The following TICRR variants were observed in gnomAD, a reference collection of about 807,000 sequenced individuals.
The protein encoded by TICRR is TOPBP1 interacting checkpoint and replication regulator, also known as treslin.
Under a neutral mutation model 178.1 loss-of-function variants are expected in TICRR, and 132 were observed. That is an observed-to-expected ratio of 0.74 (90% CI 0.64 to 0.86). TICRR has a LOEUF of 0.86. TICRR is among the 40% of genes least tolerant of loss of function. TICRR has a pLI of 0.00. For synonymous variants in TICRR, 991 were observed against 900.7 expected, an observed-to-expected ratio of 1.10 and a Z score of -1.79; for missense variants, 2,587 against 2,334.3, an observed-to-expected ratio of 1.11 and a Z score of -2.23.
At chr15:89,618,504 G>A (rs1963372594) in intron 17 of TICRR, among the ~76,000 whole-genome samples, 1 of 152,200 alleles carries the variant, frequency 6.6e-6, no homozygotes, top group Non-Finnish European at 1.5e-5. Context: ...AACTTTGTTG[G>A]AGCTTTTCAC....
At position 89,599,489 on chromosome 15, in the gene TICRR, G is replaced by T. The variant is rs767674056; in HGVS notation, c.2052+14G>T. 6.2e-6 allele frequency: 10 copies of T among 1,606,560 alleles called. No individual in the cohort carries two copies. Among genetic ancestry groups the T allele is most frequent in the Non-Finnish European group, 8.5e-6 (10 of 1,177,598 alleles). The stretch of plus-strand genomic sequence containing the variant: ...AAGGAATTAGAAGTAAGAGGGTCCA[G>T]ATATTGTTGTTTGTCATGGATGTAG... On this transcript the variant is annotated intron_variant, in intron 8 of 21. Transcript: ENST00000268138.
At chr15:89,587,381 G>A (rs901943837) in intron 4 of TICRR, among the ~76,000 whole-genome samples, 1 of 152,054 alleles carries the variant, frequency 6.6e-6, no homozygotes, top group African/African-American at 2.4e-5. Context: ...AGAGATGATG[G>A]GAGTCATCAG....
In TICRR at chr15:89,624,846, C is replaced by T; in HGVS notation, c.4536C>T (p.Ser1512=). The part of the protein sequence containing the change: ...SHPGIPPSPP[S]CGPGSPLMPS... The stretch of plus-strand genomic sequence containing the variant: ...CTGGGATTCCCCCATCTCCTCCTTC[C>T]TGTGGGCCTGGCTCTCCTCTGATGC... The change falls in exon 20 of 22, where the codon TCC becomes TCT. Residue 1512 remains serine (S), a synonymous_variant. Transcript: ENST00000268138. The T allele has an allele frequency of 6.2e-7, 1 of 1,614,184 alleles. No homozygotes were observed. The highest frequency in any genetic ancestry group is 8.5e-7 in the Non-Finnish European group (1 of 1,180,024).
rs1334455968 is a variant in TICRR at position 89,624,654 on chromosome 15, T to C, written c.4344T>C (p.Asp1448=). ...ACCCAGGCCCTGGTCTCAGGAGTGA[T>C]TGGCATGCATCCTCTCCTCTGCTCA... ...RGYPGPGLRS[D]WHASSPLLIT... The change falls in exon 20 of 22, where the codon GAT becomes GAC. Residue 1448 remains aspartate (D), a synonymous_variant. Coordinates refer to ENST00000268138, the MANE Select transcript of TICRR (RefSeq NM_152259.4). The C allele has an allele frequency of 1.6e-5, 26 of 1,613,930 alleles. No homozygotes were observed. Among genetic ancestry groups the C allele is most frequent in the African/African-American group, 5.3e-5 (4 of 74,912 alleles).
intron 13 of TICRR, among the ~76,000 whole-genome samples, chr15:89,605,845 A>G (rs1277337251): frequency 6.6e-6 from 1 of 151,848 alleles, no homozygotes; most frequent in Admixed American, 6.6e-5. Context: ...AAAAACAAAA[A>G]ATCTTTAAAA....
At position 89,601,875 on chromosome 15, in the gene TICRR, T is replaced by C; in HGVS notation, c.2466T>C (p.Leu822=). 6.2e-7 allele frequency: 1 copy of C among 1,614,152 alleles called. No homozygotes were observed. The highest frequency in any genetic ancestry group is 8.5e-7 in the Non-Finnish European group (1 of 1,180,022). ...TGACACAAGAGAACAAATCACCACT[T>C]CTTTCTGTGCCTTTTTTGTCAAGTG... The part of the protein sequence containing the change: ...DSMTQENKSP[L]LSVPFLSSAR... The change falls in exon 12 of 22, where the codon CTT becomes CTC. Residue 822 remains leucine (L), a synonymous_variant. Transcript: ENST00000268138.
In TICRR at chr15:89,621,412, A is replaced by T. The variant is rs763791089; in HGVS notation, c.3174A>T (p.Pro1058=). 1.3e-5 allele frequency: 21 copies of T among 1,595,428 alleles called. No homozygotes were observed. Among genetic ancestry groups the T allele is most frequent in the Non-Finnish European group, 1.6e-5 (19 of 1,175,470 alleles). Residue 1058 remains proline, a synonymous_variant, in exon 19 of 22, where the codon CCA becomes CCT. Transcript: ENST00000268138. ...QDKSDQRENS[P]VQSIRSPKSL... is the part of the protein sequence containing the mutation. ...TTGCAGACCAAAGAGAAAATTCTCC[A>T]GTCCAAAGTATTCGGTCTCCCAAGA...
Position 89,575,641 on chromosome 15 carries a change from C to A in TICRR, c.55C>A (p.Arg19Ser), listed in dbSNP as rs775093920. 6.4e-7 allele frequency: 1 copy of A among 1,559,218 alleles called. No individual in the cohort carries two copies. The highest frequency in any genetic ancestry group is 1.7e-4 in the Middle Eastern group (1 of 5,922). Residue 19 changes from arginine (R) to serine (S), a missense_variant, in exon 1 of 22, where the codon CGC (arginine) becomes AGC (serine). Coordinates refer to ENST00000268138, the MANE Select transcript of TICRR (RefSeq NM_152259.4). Reference protein sequence around the residue: ...LLLDTAGGAARHSRVRRAALR... With the variant: ...LLLDTAGGAASHSRVRRAALR... ...GCTGGACACCGCGGGCGGCGCCGCC[C>A]GCCACAGCCGGGTCCGGCGGGCCGC...
In TICRR at chr15:89,575,545, C is replaced by T. The variant is rs1386102363; in HGVS notation, c.-42C>T. 3 of 1,442,490 alleles carry T rather than the reference C, an allele frequency of 2.1e-6. No homozygotes were observed. The highest frequency in any genetic ancestry group is 1.8e-6 in the Non-Finnish European group (2 of 1,105,152). 89.4% of individuals were successfully genotyped at this position (1,442,490 alleles called of 1,614,324 possible). A position where few individuals can be genotyped will look rare whatever the true frequency, so the allele number is the denominator to read the frequency against. On this transcript the variant is annotated 5_prime_UTR_variant, in exon 1 of 22. Transcript: ENST00000268138. ...GAAGGAAGGGACTAAGGGACGGTGG[C>T]GCGGGCCCGGACCGGGGCCCCGGGG...
rs1337448459 is a variant in TICRR at position 89,599,312 on chromosome 15, T to C, written c.1901-12T>C. 3 of 1,591,172 alleles carry C rather than the reference T, an allele frequency of 1.9e-6. No individual in the cohort carries two copies. The highest frequency in any genetic ancestry group is 2.6e-6 in the Non-Finnish European group (3 of 1,170,312). ...GATATGATTAATCCATTTTATTTTA[T>C]TTTTTTCTCAGATTTTAAAACTGAG... is the stretch of plus-strand genomic sequence containing the variant. On this transcript the variant is annotated splice_polypyrimidine_tract_variant and intron_variant, in intron 7 of 21. Transcript: ENST00000268138.
chr15:89,614,086 A>G (rs934122752), intron 15 of TICRR, among the ~76,000 whole-genome samples: 1 of 151,976 alleles, frequency 6.6e-6, no homozygotes, highest in African/African-American at 2.4e-5. Flanking sequence ...CCCAGGAGGC[A>G]GAGGTTGCAG....
At chr15:89,609,453 T>C (rs1189333169) in intron 15 of TICRR, among the ~76,000 whole-genome samples, 1 of 151,978 alleles carries the variant, frequency 6.6e-6, no homozygotes, top group Non-Finnish European at 1.5e-5. Context: ...TTTGGTTTAT[T>C]GTTTTTTCTC....
At chr15:89,576,301 T>C in intron 1 of TICRR, 61 bp downstream of exon 1, 1 of 1,449,202 alleles carries the variant, frequency 6.9e-7, no homozygotes, top group Non-Finnish European at 9.1e-7. Flanking sequence ...TAACCAGAAC[T>C]TGGCAGCGTC....
rs753104156 is a variant in TICRR, at chr15:89,623,692, C to T, written c.3382C>T (p.Pro1128Ser). ...TACACCAAGAAGGATCTCTCATACACCACAAACTCCGTTGTATACTCCAGA... is the reference window on the plus strand; with the variant it reads ...TACACCAAGAAGGATCTCTCATACATCACAAACTCCGTTGTATACTCCAGA... ...KTTPRRISHT[P>S]QTPLYTPERL... Residue 1128 changes from proline to serine, a missense_variant, in exon 20 of 22, where the codon CCA becomes TCA. Pro to Ser is a moderately conservative substitution (Grantham distance 74, BLOSUM62 -1). Coordinates refer to ENST00000268138, the MANE Select transcript of TICRR (RefSeq NM_152259.4). 9 of 1,614,044 alleles carry T rather than the reference C, an allele frequency of 5.6e-6. No homozygotes were observed. In the South Asian group the frequency reaches 9.9e-5, roughly 18 times the overall value.
At chr15:89,580,606 A>G (rs975702532) in intron 1 of TICRR, among the ~76,000 whole-genome samples, 9 of 152,240 alleles carry the variant, frequency 5.9e-5, no homozygotes, top group African/African-American at 2.2e-4. Flanking sequence ...AGATTAGAAG[A>G]TAATGTGCTC....
chr15:89,605,210 C>G (rs561260467), intron 13 of TICRR, among the ~76,000 whole-genome samples: 1 of 152,248 alleles, frequency 6.6e-6, no homozygotes, highest in Non-Finnish European at 1.5e-5. Flanking sequence ...CTATTCAGTT[C>G]TGCTATAGTG....
At chr15:89,606,903 CT>C in intron 14 of TICRR, 78 bp downstream of exon 14, 1 of 1,261,246 alleles carries the variant, frequency 7.9e-7, no homozygotes, top group Non-Finnish European at 1.2e-6. Context: ...TAAGCAGCTG[CT>C]TACAGGTGTA....
At chr15:89,619,599 T>G in intron 17 of TICRR, 109 bp from the exon 18 acceptor site, 1 of 1,195,610 alleles carries the variant, frequency 8.4e-7, no homozygotes, top group Non-Finnish European at 1.2e-6. Flanking sequence ...CTTGCTGAAT[T>G]TCCATCTTAT....
chr15:89,591,117 A>G (rs535605255), intron 4 of TICRR, among the ~76,000 whole-genome samples: 5 of 152,216 alleles, frequency 3.3e-5, no homozygotes, highest in African/African-American at 1.2e-4. Flanking sequence ...TTCTTGTACA[A>G]AGCCAATTTT....
Sources: allele counts gnomAD v4.1 joint callset (sites outside exome capture counted in the v4.1 genomes callset), GRCh38; gene constraint gnomAD v4.1.1; transcripts MANE v1.5; gene names NCBI Gene and HGNC (gene_info 2026-07-23, HGNC 2026-07-21).